Variants in SPRED2 observed in about 807,000 individuals in gnomAD.
SPRED2 encodes the protein sprouty related EVH1 domain containing 2.
A neutral mutation model predicts 43.0 loss-of-function variants in SPRED2; 47 were observed. That is an observed-to-expected ratio of 1.09 (90% CI 0.87 to 1.40). The LOEUF (loss-of-function observed/expected upper bound fraction) is 1.40, where lower values mean the gene tolerates loss of function less well. SPRED2 is among the 40% of genes most tolerant of loss of function. SPRED2 has a pLI of 0.00. For synonymous variants in SPRED2, 225 were observed against 225.7 expected (o/e 1.00, Z 0.03); for missense variants, 561 against 586.4 (o/e 0.96, Z 0.45).
chr2:65,417,692 T>C (rs920204568), intron 1 of SPRED2, among the ~76,000 whole-genome samples: 1 of 152,224 alleles, frequency 6.6e-6, no homozygotes, highest in Non-Finnish European at 1.5e-5. Flanking sequence ...CTCACTGATC[T>C]AGCCCAAACT....
At chr2:65,343,783 G>A (rs1298936895) in intron 2 of SPRED2, among the ~76,000 whole-genome samples, 1 of 152,114 alleles carries the variant, frequency 6.6e-6, no homozygotes, top group Non-Finnish European at 1.5e-5. Flanking sequence ...ATTATGAAGT[G>A]TCAATCCCCC....
At chr2:65,348,309 T>G (rs1674410286) in intron 1 of SPRED2, among the ~76,000 whole-genome samples, 3 of 152,184 alleles carry the variant, frequency 2.0e-5, no homozygotes, top group Admixed American at 1.3e-4. Flanking sequence ...TCCCCTCTGC[T>G]TTGGCTTTCT....
At chr2:65,345,259 GTT>G (rs66991368) in intron 1 of SPRED2, among the ~76,000 whole-genome samples, 132 of 111,376 alleles carry the variant, frequency 1.2e-3, no homozygotes, top group African/African-American at 2.4e-3. Context: ...TTTAGTTGTT[GTT>G]TTTTTTTTTT....
chr2:65,401,935 GCGCACACACACACACACACA>G (rs1675905706), intron 1 of SPRED2, among the ~76,000 whole-genome samples: 1 of 89,306 alleles, frequency 1.1e-5, no homozygotes, highest in African/African-American at 3.6e-5. Context: ...TAGCGCGCGC[GCGCACACACACACACACACA>G]CACACACACA....
intron 1 of SPRED2, among the ~76,000 whole-genome samples, chr2:65,352,036 C>T (rs1276945791): frequency 6.6e-6 from 1 of 152,218 alleles, no homozygotes; most frequent in Admixed American, 6.5e-5. Context: ...GCTATAATGT[C>T]CCAGAAAATA....
At chr2:65,413,692 G>A (rs1676213218) in intron 1 of SPRED2, among the ~76,000 whole-genome samples, 1 of 152,160 alleles carries the variant, frequency 6.6e-6, no homozygotes, top group African/African-American at 2.4e-5. Context: ...GTAAGACAGG[G>A]CATCCTTCTC....
At position 65,313,395 on chromosome 2, in the gene SPRED2, C is replaced by T; in HGVS notation, c.*106G>A. The stretch of plus-strand genomic sequence containing the variant: ...TACCAGGGAGCTGGGAGGCCGCTTG[C>T]CCTCCTCGCTCCTTGGAGTGGAAGG... On this transcript the variant is annotated 3_prime_UTR_variant, in exon 6 of 6. Coordinates refer to ENST00000356388, the MANE Select transcript of SPRED2 (RefSeq NM_181784.3). The T allele has an allele frequency of 1.3e-6, 2 of 1,501,834 alleles. No individual in the cohort carries two copies. Among genetic ancestry groups the T allele is most frequent in the East Asian group, 2.3e-5 (1 of 43,912 alleles). The allele number at this position is 1,501,834 out of a possible 1,614,324, so 93.0% of individuals were successfully genotyped here. A position where few individuals can be genotyped will look rare whatever the true frequency, so the allele number is the denominator to read the frequency against.
intron 1 of SPRED2, among the ~76,000 whole-genome samples, chr2:65,407,530 G>C (rs1363815161): frequency 6.6e-6 from 1 of 152,250 alleles, no homozygotes; most frequent in African/African-American, 2.4e-5. Context: ...CCTCTCTGCA[G>C]GGGGTGGGAA....
chr2:65,401,931 G>GCGCA (rs1553426580), intron 1 of SPRED2, among the ~76,000 whole-genome samples: 13 of 77,852 alleles, frequency 1.7e-4, no homozygotes, highest in African/African-American at 7.3e-4. Flanking sequence ...ATATTAGCGC[G>GCGCA]CGCGCGCACA....
intron 1 of SPRED2, among the ~76,000 whole-genome samples, chr2:65,382,458 C>A (rs888739059): frequency 6.6e-6 from 1 of 152,180 alleles, no homozygotes; most frequent in African/African-American, 2.4e-5. Flanking sequence ...GGTAACCCCC[C>A]CTCAGCCAGA....
rs1189786513 is a variant in SPRED2 at position 65,334,708 on chromosome 2, G to A, written c.270C>T (p.His90=). 1 of 1,614,218 alleles carries A rather than the reference G, an allele frequency of 6.2e-7. No individual in the cohort carries two copies. Among genetic ancestry groups the A allele is most frequent in the Admixed American group, 1.7e-5 (1 of 60,022 alleles). The change falls in exon 3 of 6, where the codon CAC becomes CAT. Residue 90 remains histidine (H), a synonymous_variant. Coordinates refer to ENST00000356388, the MANE Select transcript of SPRED2 (RefSeq NM_181784.3). The part of the protein sequence containing the change: ...VYTKANPTFH[H]WKVDNRKFGL... Reference sequence around the variant, plus strand: ...CAAACTTCCTATTATCGACCTTCCAGTGATGAAACGTTGGATTGGCTTTGG... The same window carrying A: ...CAAACTTCCTATTATCGACCTTCCAATGATGAAACGTTGGATTGGCTTTGG...
At chr2:65,310,829 A>T (rs568578588), downstream of SPRED2, 1 of 977,766 alleles carries the variant, frequency 1.0e-6, no homozygotes, top group East Asian at 1.1e-4. Context: ...CTCCTGCCAG[A>T]CAAATACCCC....
At chr2:65,351,361 G>A (rs1253141778) in intron 1 of SPRED2, among the ~76,000 whole-genome samples, 1 of 152,158 alleles carries the variant, frequency 6.6e-6, no homozygotes, top group African/African-American at 2.4e-5. Flanking sequence ...GATGGAGACT[G>A]GGACTTTTAC....
intron 1 of SPRED2, among the ~76,000 whole-genome samples, chr2:65,374,615 G>C (rs1171989895): frequency 6.6e-6 from 1 of 152,214 alleles, no homozygotes; most frequent in Non-Finnish European, 1.5e-5. Flanking sequence ...AGAATTCTCA[G>C]GTGGCAGGTT....
At chr2:65,391,155 G>A (rs1218356107) in intron 1 of SPRED2, among the ~76,000 whole-genome samples, 1 of 147,772 alleles carries the variant, frequency 6.8e-6, no homozygotes, top group Non-Finnish European at 1.5e-5. Flanking sequence ...CTTTATCTTT[G>A]GCCCTTCCTT....
chr2:65,414,427 T>C (rs1157094548), intron 1 of SPRED2, among the ~76,000 whole-genome samples: 1 of 152,210 alleles, frequency 6.6e-6, no homozygotes, highest in Non-Finnish European at 1.5e-5. Flanking sequence ...GTATAACCTC[T>C]GAAGCTAATA....
At chr2:65,325,860 G>A (rs1673594778) in intron 4 of SPRED2, among the ~76,000 whole-genome samples, 2 of 152,150 alleles carry the variant, frequency 1.3e-5, no homozygotes, top group East Asian at 1.9e-4. Context: ...GCAGGTGCCT[G>A]TAATCCCAGC....
At chr2:65,308,362 G>A (rs954206626), downstream of SPRED2, 3 of 985,446 alleles carry the variant, frequency 3.0e-6, no homozygotes, top group Non-Finnish European at 3.6e-6. Context: ...AGCCAGCTTA[G>A]TGCACTTCTG....
chr2:65,408,593 C>CT (rs1290413650), intron 1 of SPRED2, among the ~76,000 whole-genome samples: 163 of 143,938 alleles, frequency 1.1e-3, no homozygotes, highest in East Asian at 2.4e-3. Flanking sequence ...TTTTGAAGTT[C>CT]TTTTTTTTTT....
Sources: allele counts gnomAD v4.1 joint callset (sites outside exome capture counted in the v4.1 genomes callset), GRCh38; gene constraint gnomAD v4.1.1; transcripts MANE v1.5; gene names NCBI Gene and HGNC (gene_info 2026-07-23, HGNC 2026-07-21).